Variants in WDR44 observed in about 807,000 individuals in gnomAD.
The protein encoded by WDR44 is WD repeat domain 44, also known as WD repeat-containing protein 44.
WDR44 carries 9 observed loss-of-function variants against 65.7 expected under a neutral mutation model. The observed-to-expected ratio is 0.14, with a 90% CI of 0.08 to 0.24. The LOEUF is 0.24. WDR44 is among the 10% of genes least tolerant of loss of function. The pLI, the probability that WDR44 is intolerant of heterozygous loss-of-function variation, is 1.00. For synonymous variants in WDR44, 220 were observed against 235.2 expected, an observed-to-expected ratio of 0.94 and a Z score of 0.59; for missense variants, 425 against 670.9, an observed-to-expected ratio of 0.63 and a Z score of 4.05.
chrX:118,421,947 C>G, intron 12 of WDR44, among the ~76,000 whole-genome samples: 1 of 111,541 alleles, frequency 9.0e-6, no homozygotes, highest in Non-Finnish European at 1.9e-5. Flanking sequence ...TATACTGTAT[C>G]CATTTTAATA....
At chrX:118,411,594 C>T (rs932807031) in intron 12 of WDR44, among the ~76,000 whole-genome samples, 2 of 111,678 alleles carry the variant, frequency 1.8e-5, no homozygotes, top group African/African-American at 6.5e-5. Context: ...TTCTCCTTCT[C>T]CTGGCTTTCC....
intron 10 of WDR44, 115 bp downstream of exon 10, chrX:118,407,141 C>A: frequency 1.4e-6 from 1 of 717,253 alleles, no homozygotes; most frequent in Non-Finnish European, 2.0e-6. Flanking sequence ...GACTCAAGAA[C>A]GGGGAATTTA....
intron 14 of WDR44, among the ~76,000 whole-genome samples, chrX:118,439,487 A>T (rs1186092076): frequency 9.1e-6 from 1 of 109,707 alleles, no homozygotes; most frequent in Admixed American, 9.7e-5. Flanking sequence ...GAGGCAGGAG[A>T]ATTGCTTGAG....
At chrX:118,428,298 A>G (rs1310540688) in intron 12 of WDR44, among the ~76,000 whole-genome samples, 1 of 108,874 alleles carries the variant, frequency 9.2e-6, no homozygotes. Flanking sequence ...AAAAAATAGT[A>G]ATAATAATAA....
At chrX:118,368,932 T>G (rs2056581650) in intron 1 of WDR44, among the ~76,000 whole-genome samples, 1 of 107,547 alleles carries the variant, frequency 9.3e-6, no homozygotes. Context: ...TTCGCCACAT[T>G]GGCCAGGCTG....
chrX:118,373,688 G>C (rs1313822962), intron 1 of WDR44, among the ~76,000 whole-genome samples: 2 of 111,303 alleles, frequency 1.8e-5, no homozygotes, highest in Non-Finnish European at 3.8e-5. Context: ...GCAGTATTGC[G>C]AAGTGGTTGA....
rs17271416 is a variant in WDR44, at chrX:118,394,093, G to A, written c.865G>A (p.Ala289Thr). Reference protein sequence around the residue: ...ENITSDSLLTASMASESTVKD... With the variant: ...ENITSDSLLTTSMASESTVKD... The stretch of plus-strand genomic sequence containing the variant: ...TATTACGTCTGATTCTCTCCTAACC[G>A]CAAGCATGGCTTCAGAAAGTACGGT... Residue 289 changes from alanine to threonine, a missense_variant, in exon 5 of 20, where the codon GCA (alanine) becomes ACA (threonine). Transcript: ENST00000254029. 0.13 allele frequency: 158,395 copies of A among 1,208,097 alleles called. 8,180 individuals are homozygous for A. The highest frequency in any genetic ancestry group is 0.35 in the Admixed American group (15,810 of 45,619).
At chrX:118,346,678 C>T in intron 1 of WDR44, 98 bp downstream of exon 1, 1 of 671,453 alleles carries the variant, frequency 1.5e-6, no homozygotes, top group African/African-American at 2.3e-5. Flanking sequence ...GCTGTGTCCG[C>T]CACCGCTGTT....
chrX:118,444,166 C>T (rs2057326174), intron 18 of WDR44, among the ~76,000 whole-genome samples, 194 bp from the exon 19 acceptor site: 1 of 112,198 alleles, frequency 8.9e-6, no homozygotes, highest in Non-Finnish European at 1.9e-5. Context: ...TAAGGAAGAA[C>T]TTTGGTCTAA....
chrX:118,356,349 TGGGTTTCAG>T (rs2056459078), intron 1 of WDR44, among the ~76,000 whole-genome samples: 1 of 108,905 alleles, frequency 9.2e-6, no homozygotes, highest in South Asian at 4.0e-4. Flanking sequence ...ATTGCTGATT[TGGGTTTCAG>T]TGCCGTGTCA....
intron 12 of WDR44, among the ~76,000 whole-genome samples, chrX:118,415,399 T>G (rs1218457364): frequency 2.7e-5 from 3 of 112,029 alleles, no homozygotes; most frequent in Non-Finnish European, 5.6e-5. Flanking sequence ...CTTCATAGAA[T>G]GAATTAGGGA....
At chrX:118,386,380 A>C (rs778109345) in intron 2 of WDR44, 2 of 362,423 alleles carry the variant, frequency 5.5e-6, no homozygotes, top group Non-Finnish European at 1.1e-5. Flanking sequence ...GCAGAAATGC[A>C]GTATCCATTT....
chrX:118,381,565 C>CTTTT lies in WDR44; in HGVS notation c.111+3113_111+3114insTTTT, dbSNP rs1569363786. 1.4e-4 allele frequency among the ~76,000 whole-genome samples: 15 copies of CTTTT among 104,379 alleles called. No individual in the cohort carries two copies. The East Asian group carries it at 3.1e-3, about 21-fold the overall frequency. The allele number at this position is 104,379 out of a possible 115,157, so 90.6% of individuals were successfully genotyped here. Reference sequence around the variant, plus strand: ...TCCTTGCTTTTCTTTTCTTTTCTTTCGTTCTTTCTTCTTTTTTTTTTTTTT... The same window carrying CTTTT: ...TCCTTGCTTTTCTTTTCTTTTCTTTCTTTTGTTCTTTCTTCTTTTTTTTTTTTTT... On this transcript the variant is annotated intron_variant, in intron 2 of 19. Transcript: ENST00000254029.
At chrX:118,358,046 G>A (rs949575507) in intron 1 of WDR44, among the ~76,000 whole-genome samples, 1 of 111,984 alleles carries the variant, frequency 8.9e-6, no homozygotes, top group Non-Finnish European at 1.9e-5. Context: ...GGTGGTACAC[G>A]CCTGTAGTCA....
intron 13 of WDR44, 135 bp downstream of exon 13, chrX:118,433,029 C>T (rs1362193201): frequency 9.5e-5 from 45 of 474,250 alleles, no homozygotes; most frequent in Non-Finnish European, 1.6e-4. Flanking sequence ...ATGAGGCCCA[C>T]CCACATAGTC....
chrX:118,426,184 A>G lies in WDR44; in HGVS notation c.1738-6597A>G, dbSNP rs1367049854. ...TGGCACGGTAATCATATTTAAAAGA[A>G]GGGTTATCAGAGGTATATATAGAAG... is the stretch of plus-strand genomic sequence containing the variant. On this transcript the variant is annotated intron_variant, in intron 12 of 19. Coordinates refer to ENST00000254029, the MANE Select transcript of WDR44 (RefSeq NM_019045.5). Among the ~76,000 whole-genome samples, 4 of 112,257 alleles carry G rather than the reference A, an allele frequency of 3.6e-5. No individual in the cohort carries two copies. The East Asian group carries it at 1.1e-3, about 31-fold the overall frequency.
intron 1 of WDR44, 111 bp downstream of exon 1, chrX:118,346,691 TC>T (rs2056353807): frequency 1.7e-6 from 1 of 604,229 alleles, no homozygotes. Flanking sequence ...CCGCTGTTCC[TC>T]CCCGTCTCAC....
At chrX:118,352,442 C>A (rs1447746230) in intron 1 of WDR44, among the ~76,000 whole-genome samples, 1 of 94,317 alleles carries the variant, frequency 1.1e-5, no homozygotes, top group Non-Finnish European at 2.1e-5. Context: ...ATCCACCCAA[C>A]CTCGACCTCC....
chrX:118,429,174 C>T (rs945756703), intron 12 of WDR44, among the ~76,000 whole-genome samples: 1 of 110,873 alleles, frequency 9.0e-6, no homozygotes, highest in African/African-American at 3.3e-5. Context: ...GAAACCTGCA[C>T]ATTCTGCACA....
Sources: allele counts gnomAD v4.1 joint callset (sites outside exome capture counted in the v4.1 genomes callset), GRCh38; gene constraint gnomAD v4.1.1; transcripts MANE v1.5; gene names NCBI Gene and HGNC (gene_info 2026-07-23, HGNC 2026-07-21).